PTPDC1: variants seen among roughly 807,000 people sequenced by gnomAD.
PTPDC1 encodes the protein protein tyrosine phosphatase domain containing 1.
PTPDC1 carries 53 observed loss-of-function variants against 75.3 expected under a neutral mutation model. The observed-to-expected ratio is 0.70, with a 90% CI of 0.56 to 0.88. The LOEUF is 0.88. Among genes scored for constraint, PTPDC1 ranks in the 40% least tolerant of loss-of-function variants. The pLI, the probability that PTPDC1 is intolerant of heterozygous loss-of-function variation, is 0.00. For synonymous variants in PTPDC1, 349 were observed against 366.2 expected (o/e 0.95, Z 0.54); for missense variants, 925 against 998.6 (o/e 0.93, Z 0.99).
At chr9:94,031,182 G>A (rs1939622137) in intron 1 of PTPDC1, 1 of 152,122 alleles carries the variant, frequency 6.6e-6, no homozygotes, top group Admixed American at 6.6e-5. Flanking sequence ...TTTCAGATTT[G>A]TTTTTTTAAA....
intron 1 of PTPDC1, among the ~76,000 whole-genome samples, chr9:94,047,656 T>C (rs1458680983): frequency 6.6e-6 from 1 of 151,938 alleles, no homozygotes; most frequent in Admixed American, 6.6e-5. Context: ...ATCAACAAAA[T>C]TGATAGACTG....
chr9:94,040,039 G>A (rs976661852), intron 1 of PTPDC1, among the ~76,000 whole-genome samples: 2 of 152,170 alleles, frequency 1.3e-5, no homozygotes, highest in African/African-American at 4.8e-5. Flanking sequence ...GTACTTATAA[G>A]TAGAAAAAGG....
chr9:94,094,759 G>C (rs1827484887), intron 4 of PTPDC1, among the ~76,000 whole-genome samples: 1 of 152,238 alleles, frequency 6.6e-6, no homozygotes, highest in Non-Finnish European at 1.5e-5. Flanking sequence ...TCCGAGCCAG[G>C]TGCGGGATAT....
At position 94,096,369 on chromosome 9, in the gene PTPDC1, A is replaced by G. The variant is rs73518291; in HGVS notation, c.754+915A>G. Among the ~76,000 whole-genome samples, 920 of 152,252 alleles carry G rather than the reference A, an allele frequency of 6.0e-3. 12 individuals carry two copies. Among genetic ancestry groups the G allele is most frequent in the African/African-American group, 0.021 (861 of 41,554 alleles). On this transcript the variant is annotated intron_variant, in intron 5 of 8. Transcript: ENST00000620992. ...TCTGCAGACATTTTACATTTATACT[A>G]AGATCTTCTGTGTCCTAGTGAGAAA...
chr9:94,050,280 G>A (rs1825745796), intron 1 of PTPDC1, among the ~76,000 whole-genome samples: 1 of 152,208 alleles, frequency 6.6e-6, no homozygotes, highest in Non-Finnish European at 1.5e-5. Context: ...TTTGGAGGAG[G>A]AGAGGCGCTC....
chr9:94,067,619 T>G (rs1826355792), intron 2 of PTPDC1, among the ~76,000 whole-genome samples: 1 of 152,158 alleles, frequency 6.6e-6, no homozygotes, highest in Non-Finnish European at 1.5e-5. Context: ...CTATTTAGCT[T>G]CAATCTCTTT....
At chr9:94,045,153 T>A (rs1236394810) in intron 1 of PTPDC1, among the ~76,000 whole-genome samples, 1 of 151,762 alleles carries the variant, frequency 6.6e-6, no homozygotes, top group Non-Finnish European at 1.5e-5. Flanking sequence ...TTCATCCATA[T>A]CCCTACAAAG....
At chr9:94,093,578 C>T (rs961093002) in intron 4 of PTPDC1, among the ~76,000 whole-genome samples, 10 of 151,914 alleles carry the variant, frequency 6.6e-5, no homozygotes, top group Non-Finnish European at 1.2e-4. Flanking sequence ...GTTGCCTTCT[C>T]GAGGAGTATC....
chr9:94,042,273 G>C (rs1313069841), intron 1 of PTPDC1, among the ~76,000 whole-genome samples: 1 of 152,082 alleles, frequency 6.6e-6, no homozygotes, highest in Admixed American at 6.6e-5. Context: ...TTCTTTTACA[G>C]TTTCCATTCA....
At chr9:94,059,135 C>G (rs923264998) in intron 1 of PTPDC1, among the ~76,000 whole-genome samples, 8 of 152,088 alleles carry the variant, frequency 5.3e-5, no homozygotes, top group African/African-American at 1.9e-4. Flanking sequence ...CGATATCTTA[C>G]TTAAAGCGTC....
At chr9:94,098,968 C>T (rs1827734136) in intron 6 of PTPDC1, among the ~76,000 whole-genome samples, 1 of 152,208 alleles carries the variant, frequency 6.6e-6, no homozygotes, top group African/African-American at 2.4e-5. Context: ...GACGTGCAGA[C>T]ATAAATAAAA....
At position 94,093,383 on chromosome 9, in the gene PTPDC1, T is replaced by C. The variant is rs1827404691; in HGVS notation, c.617-1934T>C. Among the ~76,000 whole-genome samples, 5 of 149,382 alleles carry C rather than the reference T, an allele frequency of 3.3e-5. No individual in the cohort carries two copies. In the South Asian group the frequency reaches 1.1e-3, roughly 32 times the overall value. Reference sequence around the variant, plus strand: ...GGATATGCAATTCTGGGTTGAAAATTCTTTTCTTTAAGAATGTTGAATATT... The same window carrying C: ...GGATATGCAATTCTGGGTTGAAAATCCTTTTCTTTAAGAATGTTGAATATT... On this transcript the variant is annotated intron_variant, in intron 4 of 8. Coordinates refer to ENST00000620992, the MANE Select transcript of PTPDC1 (RefSeq NM_001253829.2).
intron 2 of PTPDC1, among the ~76,000 whole-genome samples, chr9:94,070,144 T>G (rs72757579): frequency 0.01 from 1,578 of 152,302 alleles, 17 homozygotes; most frequent in Middle Eastern, 0.048. Flanking sequence ...TTCTAATCCA[T>G]TATTACACCA....
At chr9:94,043,211 T>A (rs962836300) in intron 1 of PTPDC1, among the ~76,000 whole-genome samples, 2 of 152,242 alleles carry the variant, frequency 1.3e-5, no homozygotes, top group Non-Finnish European at 2.9e-5. Context: ...GGAGAGTTCC[T>A]GTTACTCTCC....
rs202171045 is a variant in PTPDC1, at chr9:94,097,662, G to A, written c.1096G>A (p.Glu366Lys). 1.8e-5 allele frequency: 29 copies of A among 1,614,116 alleles called. No homozygotes were observed. The African/African-American group carries it at 2.3e-4, about 13-fold the overall frequency. The change falls in exon 6 of 9, where the codon GAA becomes AAA. Residue 366 changes from glutamate to lysine, a missense_variant. Coordinates refer to ENST00000620992, the MANE Select transcript of PTPDC1 (RefSeq NM_001253829.2). The part of the protein sequence containing the change: ...NRPVMMKDVS[E>K]GPGLSAEIEK... ...GCCAGTGATGATGAAGGATGTGTCCGAAGGACCTGGTCTCTCTGCTGAAAT... is the reference window on the plus strand; with the variant it reads ...GCCAGTGATGATGAAGGATGTGTCCAAAGGACCTGGTCTCTCTGCTGAAAT...
intron 1 of PTPDC1, chr9:94,038,260 TG>T: frequency 1.1e-6 from 1 of 904,560 alleles, no homozygotes. Context: ...AGTACATCCC[TG>T]GAACAAAAAT....
chr9:94,047,079 C>A (rs1457223065), intron 1 of PTPDC1, among the ~76,000 whole-genome samples: 1 of 152,118 alleles, frequency 6.6e-6, no homozygotes, highest in Non-Finnish European at 1.5e-5. Flanking sequence ...TGTCAAAGGC[C>A]TTTTCTGCAT....
At chr9:94,051,486 G>C (rs1005571024) in intron 1 of PTPDC1, among the ~76,000 whole-genome samples, 5 of 152,276 alleles carry the variant, frequency 3.3e-5, no homozygotes, top group Admixed American at 1.3e-4. Flanking sequence ...AATGAATTGG[G>C]CGATGATCCC....
At chr9:94,060,115 A>G (rs1285331325) in intron 1 of PTPDC1, among the ~76,000 whole-genome samples, 1 of 152,212 alleles carries the variant, frequency 6.6e-6, no homozygotes, top group Admixed American at 6.5e-5. Context: ...GGTAAAGGGA[A>G]CTGCTGATGT....
Sources: allele counts gnomAD v4.1 joint callset (sites outside exome capture counted in the v4.1 genomes callset), GRCh38; gene constraint gnomAD v4.1.1; transcripts MANE v1.5; gene names NCBI Gene and HGNC (gene_info 2026-07-23, HGNC 2026-07-21).